DIAPH3: variants seen among roughly 807,000 people sequenced by gnomAD.
DIAPH3 encodes diaphanous related formin 3.
In DIAPH3, 117 loss-of-function variants were observed where a neutral mutation model predicts 144.3. That is an observed-to-expected ratio of 0.81 (90% CI 0.70 to 0.95). The LOEUF (loss-of-function observed/expected upper bound fraction) is 0.95, where lower values mean the gene tolerates loss of function less well. Ranked by LOEUF, DIAPH3 falls within the 40% of genes least tolerant of loss-of-function variation. DIAPH3 has a pLI of 0.00. For synonymous variants in DIAPH3, 519 were observed against 488.9 expected (o/e 1.06, Z -0.81); for missense variants, 1,421 against 1,412.7 (o/e 1.01, Z -0.09).
chr13:60,038,391 C>T (rs2055384244), intron 5 of DIAPH3, among the ~76,000 whole-genome samples: 1 of 152,074 alleles, frequency 6.6e-6, no homozygotes, highest in South Asian at 2.1e-4. Flanking sequence ...CTGCTTGTCA[C>T]AAGTTTTTCT....
intron 17 of DIAPH3, among the ~76,000 whole-genome samples, chr13:59,929,272 T>C (rs965529902): frequency 1.3e-5 from 2 of 152,194 alleles, no homozygotes; most frequent in East Asian, 1.9e-4. Flanking sequence ...TTTTGGTACA[T>C]AGCATGAGGT....
At chr13:60,079,460 AAGGTT>A (rs1036421408) in intron 4 of DIAPH3, among the ~76,000 whole-genome samples, 8 of 152,058 alleles carry the variant, frequency 5.3e-5, no homozygotes, top group Admixed American at 1.3e-4. Context: ...TAAGAAAGAC[AAGGTT>A]AGGGTAAGTT....
chr13:59,935,791 T>C (rs1170769649), intron 17 of DIAPH3, among the ~76,000 whole-genome samples: 6 of 152,196 alleles, frequency 3.9e-5, no homozygotes, highest in South Asian at 4.1e-4. Flanking sequence ...CAAATACTAA[T>C]ATATGACTGC....
At position 60,145,317 on chromosome 13, in the gene DIAPH3, T is replaced by C. The variant is rs192658659; in HGVS notation, c.181-12328A>G. 2.3e-3 allele frequency among the ~76,000 whole-genome samples: 344 copies of C among 152,198 alleles called. 2 individuals carry two copies. Among genetic ancestry groups the C allele is most frequent in the African/African-American group, 7.6e-3 (314 of 41,518 alleles). Reference sequence around the variant, plus strand: ...ACAAGAAAGATGAGCATAATTCCAATTGGATGATTACTAAATGATAACAAC... The same window carrying C: ...ACAAGAAAGATGAGCATAATTCCAACTGGATGATTACTAAATGATAACAAC... On this transcript the variant is annotated intron_variant, in intron 1 of 27. Transcript: ENST00000400324.
intron 5 of DIAPH3, among the ~76,000 whole-genome samples, chr13:60,040,836 T>G (rs189583334): frequency 6.6e-6 from 1 of 152,132 alleles, no homozygotes; most frequent in Admixed American, 6.5e-5. Flanking sequence ...CTCAATAATT[T>G]TTTTTTTCGC....
intron 25 of DIAPH3, among the ~76,000 whole-genome samples, chr13:59,790,011 T>C (rs968166802): frequency 6.6e-6 from 1 of 152,188 alleles, no homozygotes; most frequent in Non-Finnish European, 1.5e-5. Context: ...TAGTTGGAAA[T>C]ATAAAACTAT....
chr13:59,743,083 A>G (rs1162697806), intron 27 of DIAPH3, among the ~76,000 whole-genome samples: 2 of 152,210 alleles, frequency 1.3e-5, no homozygotes, highest in African/African-American at 4.8e-5. Context: ...AGGAGGCACA[A>G]ACAAAATCAT....
chr13:60,038,798 G>A (rs917299817), intron 5 of DIAPH3, among the ~76,000 whole-genome samples: 3 of 151,822 alleles, frequency 2.0e-5, no homozygotes, highest in African/African-American at 4.8e-5. Context: ...CCCTTGACAG[G>A]CACGTCAAAT....
In DIAPH3 at chr13:60,063,771, T is replaced by C. The variant is rs186668146; in HGVS notation, c.496-20951A>G. 3.3e-3 allele frequency among the ~76,000 whole-genome samples: 501 copies of C among 151,912 alleles called. 2 individuals are homozygous for C. Among genetic ancestry groups the C allele is most frequent in the African/African-American group, 0.011 (462 of 41,440 alleles). On this transcript the variant is annotated intron_variant, in intron 4 of 27. Transcript: ENST00000400324. ...GTGAAACCCTGTCTCTACTAAAAAA[T>C]ACACAAAATTAGCCAGGCATGGTGG...
intron 1 of DIAPH3, among the ~76,000 whole-genome samples, chr13:60,135,792 A>G (rs2059256817): frequency 6.6e-6 from 1 of 152,216 alleles, no homozygotes; most frequent in Non-Finnish European, 1.5e-5. Context: ...TTAAACCACT[A>G]AAGATAGGCT....
intron 4 of DIAPH3, among the ~76,000 whole-genome samples, chr13:60,053,319 C>T (rs1450947294): frequency 6.6e-6 from 1 of 151,944 alleles, no homozygotes; most frequent in African/African-American, 2.4e-5. Flanking sequence ...CCTGTGGTAT[C>T]AAAACATATT....
chr13:59,958,777 A>G (rs554640909), intron 17 of DIAPH3, among the ~76,000 whole-genome samples: 34 of 151,524 alleles, frequency 2.2e-4, no homozygotes, highest in Admixed American at 6.6e-4. Context: ...CAATATAAGA[A>G]TTTTTCCTAA....
chr13:59,865,982 A>G (rs2043894788), intron 21 of DIAPH3, among the ~76,000 whole-genome samples: 1 of 152,004 alleles, frequency 6.6e-6, no homozygotes, highest in Non-Finnish European at 1.5e-5. Context: ...TTATGTTCCT[A>G]TAATCTAGGT....
intron 4 of DIAPH3, among the ~76,000 whole-genome samples, chr13:60,045,991 C>G (rs1042141960): frequency 6.6e-6 from 1 of 152,166 alleles, no homozygotes; most frequent in Non-Finnish European, 1.5e-5. Flanking sequence ...CTTAATATGT[C>G]TAATGTACCT....
At chr13:59,784,887 T>A (rs2038950922) in intron 25 of DIAPH3, among the ~76,000 whole-genome samples, 1 of 151,906 alleles carries the variant, frequency 6.6e-6, no homozygotes, top group Non-Finnish European at 1.5e-5. Flanking sequence ...CCTAACATAA[T>A]TACATGAATT....
intron 25 of DIAPH3, among the ~76,000 whole-genome samples, chr13:59,806,766 A>T (rs1044256089): frequency 6.6e-6 from 1 of 151,976 alleles, no homozygotes; most frequent in African/African-American, 2.4e-5. Flanking sequence ...TGGCCTTGCT[A>T]TATTTCGTTT....
At chr13:59,693,961 C>G (rs1317626794) in intron 27 of DIAPH3, among the ~76,000 whole-genome samples, 2 of 151,996 alleles carry the variant, frequency 1.3e-5, no homozygotes, top group Non-Finnish European at 2.9e-5. Flanking sequence ...TAGTAATATC[C>G]TAAAATGTGA....
intron 25 of DIAPH3, among the ~76,000 whole-genome samples, chr13:59,804,481 G>C (rs1008209794): frequency 6.6e-6 from 1 of 152,016 alleles, no homozygotes. Context: ...TAAACTTTTC[G>C]ACATATAAAA....
At chr13:60,043,801 T>C (rs1207879783) in intron 4 of DIAPH3, among the ~76,000 whole-genome samples, 1 of 152,110 alleles carries the variant, frequency 6.6e-6, no homozygotes. Context: ...AAACAGGCAA[T>C]ACATAAAATA....
Sources: gnomAD v4.1 joint callset for allele counts (sites outside exome capture counted in the v4.1 genomes callset) on GRCh38, gnomAD v4.1.1 for gene constraint, MANE v1.5 for transcripts, NCBI Gene and HGNC (gene_info 2026-07-23, HGNC 2026-07-21) for gene names.